The following LRRC4C variants were observed in gnomAD, a reference collection of about 807,000 sequenced individuals.
LRRC4C encodes the protein leucine-rich repeat-containing protein 4C.
LRRC4C carries 5 observed loss-of-function variants against 33.6 expected under a neutral mutation model. The observed-to-expected ratio is 0.15, with a 90% CI of 0.08 to 0.31. LRRC4C has a LOEUF of 0.31. Among genes scored for constraint, LRRC4C ranks in the 10% least tolerant of loss-of-function variants. LRRC4C has a pLI of 1.00. For synonymous variants in LRRC4C, 329 were observed against 302.0 expected (o/e 1.09, Z -0.93); for missense variants, 560 against 796.7 (o/e 0.70, Z 3.58).
chr11:41,312,303 C>T (rs1313976174), intron 1 of LRRC4C, among the ~76,000 whole-genome samples: 1 of 152,186 alleles, frequency 6.6e-6, no homozygotes, highest in African/African-American at 2.4e-5. Context: ...GGAACTTACT[C>T]TCACTGCTCC....
chr11:40,577,921 C>T (rs542195273), intron 3 of LRRC4C, among the ~76,000 whole-genome samples: 2 of 148,700 alleles, frequency 1.3e-5, no homozygotes, highest in African/African-American at 2.5e-5. Flanking sequence ...CTGCAAGCTC[C>T]GCCTCCAAGT....
chr11:40,313,865 G>A (rs1945447425), intron 4 of LRRC4C, among the ~76,000 whole-genome samples: 1 of 151,748 alleles, frequency 6.6e-6, no homozygotes, highest in Admixed American at 6.6e-5. Flanking sequence ...CGCCTGCCTC[G>A]GCCTCCCAAA....
intron 1 of LRRC4C, among the ~76,000 whole-genome samples, chr11:41,254,802 T>C (rs553888191): frequency 6.6e-6 from 1 of 152,054 alleles, no homozygotes. Flanking sequence ...GCAAAGCTTT[T>C]TAATTTAAAA....
At chr11:40,705,933 G>A (rs1278982541) in intron 2 of LRRC4C, among the ~76,000 whole-genome samples, 1 of 152,178 alleles carries the variant, frequency 6.6e-6, no homozygotes, top group Non-Finnish European at 1.5e-5. Flanking sequence ...TTGTGGTTTT[G>A]ATGTGCATTT....
intron 1 of LRRC4C, among the ~76,000 whole-genome samples, chr11:41,382,219 T>A (rs1953183237): frequency 6.6e-6 from 1 of 151,958 alleles, no homozygotes; most frequent in South Asian, 2.1e-4. Flanking sequence ...CTTTCAGAGA[T>A]TAAAGATTTA....
intron 1 of LRRC4C, among the ~76,000 whole-genome samples, chr11:41,262,886 C>T (rs1255285813): frequency 6.6e-6 from 1 of 152,070 alleles, no homozygotes; most frequent in Non-Finnish European, 1.5e-5. Flanking sequence ...AAGTGTTTTC[C>T]TCGGGGAGAA....
At chr11:41,392,461 A>G (rs1302724422) in intron 1 of LRRC4C, among the ~76,000 whole-genome samples, 1 of 151,744 alleles carries the variant, frequency 6.6e-6, no homozygotes, top group Non-Finnish European at 1.5e-5. Context: ...CCAAACAGTT[A>G]CGTGTAATAA....
At chr11:40,814,402 A>G (rs1951622138) in intron 2 of LRRC4C, among the ~76,000 whole-genome samples, 1 of 152,090 alleles carries the variant, frequency 6.6e-6, no homozygotes, top group Admixed American at 6.6e-5. Flanking sequence ...CCAAGTCCCT[A>G]CACTGCACAC....
intron 1 of LRRC4C, among the ~76,000 whole-genome samples, chr11:41,210,121 T>C (rs190698422): frequency 6.6e-6 from 1 of 152,280 alleles, no homozygotes; most frequent in African/African-American, 2.4e-5. Flanking sequence ...TGTGAGAATA[T>C]AAATAAATTT....
intron 3 of LRRC4C, among the ~76,000 whole-genome samples, chr11:40,497,826 G>C (rs979531): frequency 6.6e-6 from 1 of 151,788 alleles, no homozygotes; most frequent in Non-Finnish European, 1.5e-5. Context: ...AAAAGCTAAG[G>C]GTCAGAAGTT....
chr11:41,085,411 T>C (rs940015181), intron 1 of LRRC4C, among the ~76,000 whole-genome samples: 2 of 152,098 alleles, frequency 1.3e-5, no homozygotes, highest in African/African-American at 4.8e-5. Context: ...CAGTAAGAAG[T>C]GGTAGTGTTA....
At chr11:40,171,232 G>T (rs1860019837) in intron 5 of LRRC4C, among the ~76,000 whole-genome samples, 1 of 152,102 alleles carries the variant, frequency 6.6e-6, no homozygotes, top group African/African-American at 2.4e-5. Flanking sequence ...AATCAAACTT[G>T]GTAAGAAACT....
chr11:40,631,331 T>C (rs1448918357), intron 3 of LRRC4C, among the ~76,000 whole-genome samples: 1 of 152,182 alleles, frequency 6.6e-6, no homozygotes, highest in Admixed American at 6.5e-5. Context: ...GCACATTCTC[T>C]TAAGATGCCA....
intron 5 of LRRC4C, among the ~76,000 whole-genome samples, chr11:40,202,494 TA>T (rs1412885204): frequency 1.3e-5 from 2 of 152,110 alleles, no homozygotes; most frequent in Non-Finnish European, 2.9e-5. Context: ...GCAGGTCACA[TA>T]AACTTTCTGG....
chr11:40,880,541 A>G (rs1326669832), intron 2 of LRRC4C, among the ~76,000 whole-genome samples: 1 of 37,610 alleles, frequency 2.7e-5, no homozygotes, highest in Non-Finnish European at 6.3e-5. Flanking sequence ...AGATTTTTAA[A>G]TGAAAAAAAA....
chr11:41,385,405 C>T (rs1207259991), intron 1 of LRRC4C, among the ~76,000 whole-genome samples: 1 of 151,320 alleles, frequency 6.6e-6, no homozygotes, highest in Non-Finnish European at 1.5e-5. Context: ...ATTTCAAATG[C>T]TTGGTGTGAT....
chr11:41,369,955 G>T (rs1952683445), intron 1 of LRRC4C, among the ~76,000 whole-genome samples: 2 of 152,144 alleles, frequency 1.3e-5, no homozygotes, highest in African/African-American at 4.8e-5. Context: ...TCTCAATAGA[G>T]ATGCAAATAT....
chr11:40,678,822 T>C (rs957820646), intron 2 of LRRC4C, among the ~76,000 whole-genome samples: 4 of 152,114 alleles, frequency 2.6e-5, no homozygotes, highest in African/African-American at 9.7e-5. Context: ...ATGTCTTTAT[T>C]AGCAGCATGA....
intron 3 of LRRC4C, among the ~76,000 whole-genome samples, chr11:40,584,531 A>G (rs771244846): frequency 9.2e-5 from 14 of 152,126 alleles, no homozygotes; most frequent in Non-Finnish European, 1.8e-4. Context: ...TTTTGTTTCA[A>G]AAACCTTAAT....
Sources: allele counts gnomAD v4.1 joint callset (sites outside exome capture counted in the v4.1 genomes callset), GRCh38; gene constraint gnomAD v4.1.1; transcripts MANE v1.5; gene names NCBI Gene and HGNC (gene_info 2026-07-23, HGNC 2026-07-21).